NR2E1: variants seen among roughly 807,000 people sequenced by gnomAD.
NR2E1 encodes the protein nuclear receptor TLX.
A neutral mutation model predicts 43.6 loss-of-function variants in NR2E1; 5 were observed. The ratio of observed to expected loss-of-function variants is 0.11; its 90% CI spans 0.06 to 0.24. NR2E1 has a LOEUF of 0.24. NR2E1 is among the 10% of genes least tolerant of loss of function. The pLI is 1.00. For missense variants in NR2E1, 287 were observed against 496.7 expected (o/e 0.58, Z 4.01); for synonymous variants, 191 against 195.5 (o/e 0.98, Z 0.19).
intron 1 of NR2E1, among the ~76,000 whole-genome samples, chr6:108,168,525 C>G (rs1366201592): frequency 2.0e-5 from 3 of 152,272 alleles, no homozygotes; most frequent in Non-Finnish European, 2.9e-5. Context: ...CAGCGGGCTC[C>G]TTGCGGAAAC....
In NR2E1 at chr6:108,187,535, A is replaced by T. The variant is rs895450764; in HGVS notation, c.*72A>T. 2.6e-6 allele frequency: 4 copies of T among 1,515,842 alleles called. No individual in the cohort carries two copies. In the African/African-American group the frequency reaches 5.5e-5, roughly 21 times the overall value. 93.9% of individuals were successfully genotyped at this position (1,515,842 alleles called of 1,614,324 possible). A position where few individuals can be genotyped will look rare whatever the true frequency, so the allele number is the denominator to read the frequency against. On this transcript the variant is annotated 3_prime_UTR_variant, in exon 9 of 9. Coordinates refer to ENST00000368986, the MANE Select transcript of NR2E1 (RefSeq NM_003269.5). ...TTCAACCCATGGAGAACAAGCCTCA[A>T]CTAACAAACCCTTCAGGAAGCATAT... is the stretch of plus-strand genomic sequence containing the variant.
Position 108,166,750 on chromosome 6 carries a change from C to T in NR2E1, c.-16C>T. On this transcript the variant is annotated 5_prime_UTR_variant, in exon 1 of 9. Transcript: ENST00000368986. This position sits in a 1 kb window ranked among gnomAD's most constrained non-coding sequence, Gnocchi z 7.2. ...CGGGCAGCGCCCACCAACCGCTCCG[C>T]CCCGGGACAGCCAGCATGAGCAAGC... 6.4e-7 allele frequency: 1 copy of T among 1,569,644 alleles called. No individual in the cohort carries two copies. The highest frequency in any genetic ancestry group is 8.6e-7 in the Non-Finnish European group (1 of 1,162,922).
In NR2E1 at chr6:108,187,610, A is replaced by G; in HGVS notation, c.*147A>G. ...AAAAAAATGCCAATTGACACAAAGC[A>G]TTCCAGTAGCTATGACCTGCCGCCC... On this transcript the variant is annotated 3_prime_UTR_variant, in exon 9 of 9. Coordinates refer to ENST00000368986, the MANE Select transcript of NR2E1 (RefSeq NM_003269.5). 1 of 885,764 alleles carries G rather than the reference A, an allele frequency of 1.1e-6. No homozygotes were observed. Among genetic ancestry groups the G allele is most frequent in the East Asian group, 2.6e-5 (1 of 38,894 alleles). The allele number at this position is 885,764 out of a possible 1,614,324, so 54.9% of individuals were successfully genotyped here.
intron 5 of NR2E1, chr6:108,179,206 T>A (rs1305012473): frequency 6.6e-6 from 1 of 152,254 alleles, no homozygotes; most frequent in African/African-American, 2.4e-5. Flanking sequence ...CTTGTTTTCA[T>A]GGCCTGCCCT....
chr6:108,176,601 T>G lies in NR2E1; in HGVS notation c.358T>G (p.Phe120Val). Residue 120 changes from phenylalanine (F) to valine (V), a missense_variant, in exon 4 of 9, where the codon TTT (phenylalanine) becomes GTT (valine). Around this residue, in one of 4 missense-constraint regions of NR2E1, gnomAD observed 119 missense variants for 155.7 expected, o/e 0.76. Coordinates refer to ENST00000368986, the MANE Select transcript of NR2E1 (RefSeq NM_003269.5). ...GGAGGAGAACGGGGCCGCCGCGCAC[T>G]TTCCCTCGGCGGCGCTCCCTGCGCC... ...HKEENGAAAH[F>V]PSAALPAPAF... 1 of 1,612,630 alleles carries G rather than the reference T, an allele frequency of 6.2e-7. No homozygotes were observed. Among genetic ancestry groups the G allele is most frequent in the Non-Finnish European group, 8.5e-7 (1 of 1,179,862 alleles).
chr6:108,178,043 G>A (rs1582447018), intron 4 of NR2E1, 52 bp from the exon 5 acceptor site: 6 of 1,601,444 alleles, frequency 3.7e-6, no homozygotes, highest in Non-Finnish European at 5.1e-6. Flanking sequence ...GGTTCTTCTT[G>A]CAAAGCTGTG....
intron 1 of NR2E1, among the ~76,000 whole-genome samples, chr6:108,167,185 A>T (rs757898469): frequency 5.3e-5 from 8 of 151,940 alleles, no homozygotes; most frequent in Non-Finnish European, 8.8e-5. Context: ...CGCAAAAGCA[A>T]CTCTGTGCAA....
intron 1 of NR2E1, among the ~76,000 whole-genome samples, chr6:108,170,347 T>C (rs923262327): frequency 3.3e-5 from 5 of 152,260 alleles, no homozygotes; most frequent in Admixed American, 2.6e-4. Flanking sequence ...AAGTTAACAG[T>C]TTAATACTCC....
chr6:108,185,077 T>C (rs928539301), intron 8 of NR2E1, among the ~76,000 whole-genome samples: 3 of 152,186 alleles, frequency 2.0e-5, no homozygotes, highest in Non-Finnish European at 4.4e-5. Context: ...TCCAGCACTT[T>C]CCTGTCTAGA....
In NR2E1 at chr6:108,180,267, GT is replaced by G; in HGVS notation, c.643-53del. ...TAATGGAAATTTACATAGTGAAATT[GT>G]TTATAAATTTATAAATTACACACTA... On this transcript the variant is annotated intron_variant, in intron 5 of 8. Coordinates refer to ENST00000368986, the MANE Select transcript of NR2E1 (RefSeq NM_003269.5). The surrounding 1 kb of genome is among the most constrained non-coding windows in gnomAD (Gnocchi z 5.4). 9.0e-7 allele frequency: 1 copy of G among 1,116,720 alleles called. No homozygotes were observed. Among genetic ancestry groups the G allele is most frequent in the East Asian group, 2.6e-5 (1 of 38,742 alleles). The allele number at this position is 1,116,720 out of a possible 1,614,324, so 69.2% of individuals were successfully genotyped here. A position where few individuals can be genotyped will look rare whatever the true frequency, so the allele number is the denominator to read the frequency against.
At position 108,166,684 on chromosome 6, in the gene NR2E1, G is replaced by C. The variant is rs753644722; in HGVS notation, c.-82G>C. On this transcript the variant is annotated 5_prime_UTR_variant, in exon 1 of 9. Coordinates refer to ENST00000368986, the MANE Select transcript of NR2E1 (RefSeq NM_003269.5). The surrounding 1 kb of genome is among the most constrained non-coding windows in gnomAD (Gnocchi z 7.2). ...GCAGGCTGGAGGGCAGCTGGAGAGC[G>C]GCGGCGCCCGGCGGCGAGGCGGGCG... is the stretch of plus-strand genomic sequence containing the variant. The C allele has an allele frequency of 4.1e-6, 5 of 1,228,346 alleles. No individual in the cohort carries two copies. The highest frequency in any genetic ancestry group is 4.4e-6 in the Non-Finnish European group (4 of 915,100). 76.1% of individuals were successfully genotyped at this position (1,228,346 alleles called of 1,614,324 possible). A position where few individuals can be genotyped will look rare whatever the true frequency, so the allele number is the denominator to read the frequency against.
chr6:108,175,193 C>T (rs913790425), intron 3 of NR2E1, among the ~76,000 whole-genome samples: 1 of 152,182 alleles, frequency 6.6e-6, no homozygotes, highest in African/African-American at 2.4e-5. Flanking sequence ...TGGGGGGACC[C>T]CACTCTCCAG....
At chr6:108,171,376 C>G in intron 1 of NR2E1, 82 bp from the exon 2 acceptor site, 1 of 1,438,760 alleles carries the variant, frequency 7.0e-7, no homozygotes, top group Non-Finnish European at 9.8e-7. Flanking sequence ...ATCTCTCTCT[C>G]CCTCTCCCCT....
rs1773705077 is a variant in NR2E1 at position 108,166,152 on chromosome 6, C to T, written c.-614C>T. 6.5e-6 allele frequency: 1 copy of T among 152,772 alleles called. No individual in the cohort carries two copies. Among genetic ancestry groups the T allele is most frequent in the Admixed American group, 6.5e-5 (1 of 15,290 alleles). The allele number at this position is 152,772 out of a possible 1,614,324, so 9.5% of individuals were successfully genotyped here. On this transcript the variant is annotated 5_prime_UTR_variant, in exon 1 of 9. Transcript: ENST00000368986. The surrounding 1 kb of genome is among the most constrained non-coding windows in gnomAD (Gnocchi z 7.2). ...CTTCGCCGCTGCGTGCGCGGCTCTC[C>T]CCGGAAACCCGGACCTGGCCGCCTC...
intron 2 of NR2E1, 94 bp from the exon 3 acceptor site, chr6:108,174,742 T>G: frequency 2.9e-6 from 3 of 1,032,610 alleles, no homozygotes; most frequent in Non-Finnish European, 3.0e-6. Context: ...CCGGGCAAGG[T>G]CGCGCCTCCA....
intron 4 of NR2E1, 44 bp from the exon 5 acceptor site, chr6:108,178,051 G>C (rs749249050): frequency 6.2e-7 from 1 of 1,609,048 alleles, no homozygotes; most frequent in Non-Finnish European, 8.5e-7. Context: ...TTGCAAAGCT[G>C]TGGTTTCCTC....
rs1774113892 is a variant in NR2E1 at position 108,188,548 on chromosome 6, CACA to C, written c.*1086_*1088del. On this transcript the variant is annotated 3_prime_UTR_variant, in exon 9 of 9. Transcript: ENST00000368986. ...ACACACACACACACACACACACACA[CACA>C]CCGTCCTACACTTTAAGCTGCTCCT... 6 of 152,052 alleles carry C rather than the reference CACA, an allele frequency of 3.9e-5. No homozygotes were observed. The highest frequency in any genetic ancestry group is 1.5e-4 in the African/African-American group (6 of 40,760). 9.4% of individuals were successfully genotyped at this position (152,052 alleles called of 1,614,324 possible). A position where few individuals can be genotyped will look rare whatever the true frequency, so the allele number is the denominator to read the frequency against.
Position 108,175,056 on chromosome 6 carries a change from G to T in NR2E1, c.259+133G>T, listed in dbSNP as rs559757348. ...TTTCCAGATGCTGGGAATTGGCCTC[G>T]GGCTTTCAGTCGTATCCTTCCCGTC... On this transcript the variant is annotated intron_variant, in intron 3 of 8. Coordinates refer to ENST00000368986, the MANE Select transcript of NR2E1 (RefSeq NM_003269.5). 7.6e-5 allele frequency: 63 copies of T among 825,740 alleles called. 1 individual carries two copies. The highest frequency in any genetic ancestry group is 7.1e-4 in the South Asian group (49 of 69,264). 51.2% of individuals were successfully genotyped at this position (825,740 alleles called of 1,614,324 possible). A position where few individuals can be genotyped will look rare whatever the true frequency, so the allele number is the denominator to read the frequency against.
chr6:108,175,007 T>G (rs1207698603), intron 3 of NR2E1, 84 bp downstream of exon 3: 1 of 1,283,850 alleles, frequency 7.8e-7, no homozygotes, highest in African/African-American at 1.5e-5. Context: ...CTCCTATGCA[T>G]GTAAATCAAC....
Sources: allele counts gnomAD v4.1 joint callset (sites outside exome capture counted in the v4.1 genomes callset), GRCh38; gene constraint gnomAD v4.1.1; regional missense constraint gnomAD v4.1.1; non-coding constraint Gnocchi (gnomAD v3.1); transcripts MANE v1.5; gene names NCBI Gene and HGNC (gene_info 2026-07-23, HGNC 2026-07-21).